PPP2R2A: variants seen among roughly 807,000 people sequenced by gnomAD.
The protein encoded by PPP2R2A is serine/threonine-protein phosphatase 2A 55 kDa regulatory subunit B alpha isoform.
PPP2R2A carries 9 observed loss-of-function variants against 53.2 expected under a neutral mutation model. The ratio of observed to expected loss-of-function variants is 0.17; its 90% CI spans 0.10 to 0.30. PPP2R2A has a LOEUF of 0.30. PPP2R2A is among the 10% of genes least tolerant of loss of function. PPP2R2A has a pLI of 1.00. For missense variants in PPP2R2A, 235 were observed against 534.6 expected (o/e 0.44, Z 5.53); for synonymous variants, 169 against 174.2 (o/e 0.97, Z 0.23).
chr8:26,372,478 CACTA>C lies in PPP2R2A; in HGVS notation c.*2067_*2070del, dbSNP rs1421747957. ...TAGCTATGATGATTCTCCTCCATGA[CACTA>C]AGGATTAGTTTATATATTTAAGAGA... On this transcript the variant is annotated 3_prime_UTR_variant, in exon 10 of 10. Coordinates refer to ENST00000380737, the MANE Select transcript of PPP2R2A (RefSeq NM_002717.4). 6.6e-6 allele frequency: 1 copy of C among 152,144 alleles called. No individual in the cohort carries two copies. The highest frequency in any genetic ancestry group is 2.4e-5 in the African/African-American group (1 of 41,424). 9.4% of individuals were successfully genotyped at this position (152,144 alleles called of 1,614,324 possible).
chr8:26,344,793 C>T lies in PPP2R2A; in HGVS notation c.180+5806C>T, dbSNP rs1285500407. The stretch of plus-strand genomic sequence containing the variant: ...GGCTCAATGGGTACCTAATTTTACC[C>T]GTTGAGCAGAAATTTGAATTAACCA... On this transcript the variant is annotated intron_variant, in intron 3 of 9. Transcript: ENST00000380737. Among the ~76,000 whole-genome samples, 6 of 152,030 alleles carry T rather than the reference C, an allele frequency of 3.9e-5. No individual in the cohort carries two copies. The East Asian group carries it at 7.7e-4, about 20-fold the overall frequency.
In PPP2R2A at chr8:26,327,698, T is replaced by C. The variant is rs185088490; in HGVS notation, c.83-11192T>C. 1.8e-3 allele frequency among the ~76,000 whole-genome samples: 276 copies of C among 152,340 alleles called. 1 individual carries two copies. The highest frequency in any genetic ancestry group is 0.014 in the Middle Eastern group (4 of 294). Reference sequence around the variant, plus strand: ...CTTTCAGCAAGAAACTATCATTTTATAGATGTATTATCCAGTAAAATGTTC... The same window carrying C: ...CTTTCAGCAAGAAACTATCATTTTACAGATGTATTATCCAGTAAAATGTTC... On this transcript the variant is annotated intron_variant, in intron 2 of 9. Coordinates refer to ENST00000380737, the MANE Select transcript of PPP2R2A (RefSeq NM_002717.4).
rs893319483 is a variant in PPP2R2A at position 26,354,191 on chromosome 8, TAA to T, written c.181-276_181-275del. ...TTCATAGACTATACCATCAAATACA[TAA>T]GAGTAAATTAGCAATCAAATTGATC... is the stretch of plus-strand genomic sequence containing the variant. On this transcript the variant is annotated intron_variant, in intron 3 of 9. Coordinates refer to ENST00000380737, the MANE Select transcript of PPP2R2A (RefSeq NM_002717.4). This position sits in a 1 kb window ranked among gnomAD's most constrained non-coding sequence, Gnocchi z 4.6. Among the ~76,000 whole-genome samples the T allele has an allele frequency of 2.0e-5, 3 of 152,152 alleles. No individual in the cohort carries two copies. The highest frequency in any genetic ancestry group is 7.2e-5 in the African/African-American group (3 of 41,432).
intron 2 of PPP2R2A, among the ~76,000 whole-genome samples, chr8:26,330,715 G>T (rs1803325842): frequency 6.6e-6 from 1 of 151,928 alleles, no homozygotes. Context: ...GTCACTTCTG[G>T]CTCTGTTTAC....
intron 2 of PPP2R2A, among the ~76,000 whole-genome samples, chr8:26,310,381 G>T (rs1802230491): frequency 6.8e-6 from 1 of 146,226 alleles, no homozygotes; most frequent in South Asian, 2.2e-4. Context: ...TTTGGGCATA[G>T]ATCTTTCCAG....
At chr8:26,291,917 A>G in intron 1 of PPP2R2A, 91 bp downstream of exon 1, 4 of 1,461,390 alleles carry the variant, frequency 2.7e-6, no homozygotes, top group Non-Finnish European at 3.7e-6. Context: ...CGCCTCGCGC[A>G]GAGCCACAGG....
chr8:26,320,692 T>C (rs924723555), intron 2 of PPP2R2A, among the ~76,000 whole-genome samples: 1 of 152,230 alleles, frequency 6.6e-6, no homozygotes, highest in African/African-American at 2.4e-5. Flanking sequence ...AGTGTTGCTG[T>C]GCTCACTAAG....
Position 26,335,158 on chromosome 8 carries a change from C to T in PPP2R2A, c.83-3732C>T, listed in dbSNP as rs189281724. ...TACGGTACAAAGCTGCTTCAGCGTG[C>T]TCCCTATAACTCATTCCTGGATGTT... On this transcript the variant is annotated intron_variant, in intron 2 of 9. Transcript: ENST00000380737. 2.0e-5 allele frequency among the ~76,000 whole-genome samples: 3 copies of T among 152,314 alleles called. No homozygotes were observed. The East Asian group carries it at 5.8e-4, about 29-fold the overall frequency.
intron 3 of PPP2R2A, among the ~76,000 whole-genome samples, chr8:26,348,198 A>G (rs1346284566): frequency 6.6e-6 from 1 of 152,190 alleles, no homozygotes; most frequent in Non-Finnish European, 1.5e-5. Context: ...TTTCTGCTAT[A>G]TGAGATCAAA....
chr8:26,363,033 TG>T lies in PPP2R2A; in HGVS notation c.802+191del, dbSNP rs1388448984. The T allele has an allele frequency of 2.5e-5, 14 of 564,236 alleles. No homozygotes were observed. In the Admixed American group the frequency reaches 4.1e-4, roughly 17 times the overall value. The allele number at this position is 564,236 out of a possible 1,614,324, so 35.0% of individuals were successfully genotyped here. A position where few individuals can be genotyped will look rare whatever the true frequency, so the allele number is the denominator to read the frequency against. On this transcript the variant is annotated intron_variant, in intron 7 of 9. Transcript: ENST00000380737. ...TCCAGGTTATTCCTGGAAGCTCTCT[TG>T]GGGGGCATGTCTATTGATTGCCAAG...
intron 2 of PPP2R2A, among the ~76,000 whole-genome samples, chr8:26,322,713 A>C (rs1040674351): frequency 1.3e-5 from 2 of 152,206 alleles, no homozygotes; most frequent in Non-Finnish European, 2.9e-5. Flanking sequence ...ACTTACATAT[A>C]AAAGTAGGGG....
intron 2 of PPP2R2A, among the ~76,000 whole-genome samples, chr8:26,315,019 A>G (rs922127829): frequency 6.6e-6 from 1 of 151,812 alleles, no homozygotes; most frequent in African/African-American, 2.4e-5. Context: ...CTCTTTGGAA[A>G]TAATGTTGGT....
At chr8:26,333,534 G>C (rs1172506539) in intron 2 of PPP2R2A, 2 of 1,214,614 alleles carry the variant, frequency 1.6e-6, no homozygotes, top group South Asian at 2.8e-5. Context: ...AAATCAAAGA[G>C]TGACTCCATA....
intron 3 of PPP2R2A, among the ~76,000 whole-genome samples, chr8:26,353,185 G>A (rs1585396241): frequency 1.3e-5 from 2 of 152,184 alleles, no homozygotes; most frequent in Non-Finnish European, 2.9e-5. Flanking sequence ...TTTTGTGTAT[G>A]GGTATGGTGA....
At chr8:26,361,220 C>T in intron 6 of PPP2R2A, 69 bp downstream of exon 6, 1 of 1,432,248 alleles carries the variant, frequency 7.0e-7, no homozygotes, top group Non-Finnish European at 9.4e-7. Context: ...TTTATTTCAT[C>T]TCTCCTAATG....
intron 2 of PPP2R2A, among the ~76,000 whole-genome samples, chr8:26,315,340 T>A (rs1802496968): frequency 6.6e-6 from 1 of 152,124 alleles, no homozygotes; most frequent in African/African-American, 2.4e-5. Flanking sequence ...GAACTTCTAG[T>A]GTCTTATCTC....
At chr8:26,364,235 T>A (rs1373071220) in intron 8 of PPP2R2A, among the ~76,000 whole-genome samples, 1 of 152,188 alleles carries the variant, frequency 6.6e-6, no homozygotes, top group African/African-American at 2.4e-5. Flanking sequence ...AAGTGGCCAG[T>A]CCTTAGTAGA....
chr8:26,361,751 G>A (rs954599506), intron 6 of PPP2R2A, among the ~76,000 whole-genome samples: 4 of 152,066 alleles, frequency 2.6e-5, no homozygotes, highest in Admixed American at 2.6e-4. Context: ...CCTAAGGTCA[G>A]TAGTTCAAAA....
rs1040036261 is a variant in PPP2R2A at position 26,338,629 on chromosome 8, G to A, written c.83-261G>A. On this transcript the variant is annotated intron_variant, in intron 2 of 9. Transcript: ENST00000380737. This position sits in a 1 kb window ranked among gnomAD's most constrained non-coding sequence, Gnocchi z 4.5. ...TGATTTCTTTGCATTCACAAATTTAGTGAAATGTTAATAAATTAGTATTTG... is the reference window on the plus strand; with the variant it reads ...TGATTTCTTTGCATTCACAAATTTAATGAAATGTTAATAAATTAGTATTTG... Among the ~76,000 whole-genome samples, 1 of 152,214 alleles carries A rather than the reference G, an allele frequency of 6.6e-6. No individual in the cohort carries two copies. Among genetic ancestry groups the A allele is most frequent in the Non-Finnish European group, 1.5e-5 (1 of 68,034 alleles).
Sources: gnomAD v4.1 joint callset for allele counts (sites outside exome capture counted in the v4.1 genomes callset) on GRCh38, gnomAD v4.1.1 for gene constraint, Gnocchi (gnomAD v3.1) non-coding constraint, MANE v1.5 for transcripts, NCBI Gene and HGNC (gene_info 2026-07-23, HGNC 2026-07-21) for gene names.